GTF2A1L: variants seen among roughly 807,000 people sequenced by gnomAD.
GTF2A1L encodes the protein TFIIA-alpha and beta-like factor.
A neutral mutation model predicts 49.7 loss-of-function variants in GTF2A1L; 48 were observed. The ratio of observed to expected loss-of-function variants is 0.97; its 90% CI spans 0.77 to 1.23. The LOEUF is 1.23. Among genes scored for constraint, GTF2A1L ranks in the 50% most tolerant of loss-of-function variants. The pLI is 0.00. For synonymous variants in GTF2A1L, 246 were observed against 193.5 expected (o/e 1.27, Z -2.25); for missense variants, 736 against 564.8 (o/e 1.30, Z -3.07).
At chr2:48,634,224 G>C (rs945446466) in intron 3 of GTF2A1L, among the ~76,000 whole-genome samples, 2 of 152,128 alleles carry the variant, frequency 1.3e-5, no homozygotes, top group African/African-American at 2.4e-5. Flanking sequence ...AGGTTCTCCT[G>C]CCTCAGCTTC....
At chr2:48,655,028 A>G (rs777162036) in intron 6 of GTF2A1L, among the ~76,000 whole-genome samples, 6 of 152,178 alleles carry the variant, frequency 3.9e-5, no homozygotes, top group Non-Finnish European at 8.8e-5. Flanking sequence ...GTCAATTTCT[A>G]AAAAGAAAAA....
chr2:48,633,283 T>C (rs113570054), intron 3 of GTF2A1L: 2 of 154,912 alleles, frequency 1.3e-5, no homozygotes, highest in African/African-American at 4.9e-5. Context: ...GCACAGCCAG[T>C]CTGCAATCTC....
At chr2:48,659,352 A>G (rs1678364257) in intron 6 of GTF2A1L, among the ~76,000 whole-genome samples, 1 of 152,114 alleles carries the variant, frequency 6.6e-6, no homozygotes, top group Non-Finnish European at 1.5e-5. Context: ...CATAATCCCA[A>G]TATCACACTA....
At chr2:48,630,084 G>A (rs1471479121) in intron 3 of GTF2A1L, among the ~76,000 whole-genome samples, 1 of 144,266 alleles carries the variant, frequency 6.9e-6, no homozygotes, top group African/African-American at 2.5e-5. Context: ...GCTTATGATT[G>A]TTTTGGCTGT....
intron 3 of GTF2A1L, among the ~76,000 whole-genome samples, chr2:48,635,997 T>G (rs894569268): frequency 6.6e-6 from 1 of 152,210 alleles, no homozygotes; most frequent in African/African-American, 2.4e-5. Flanking sequence ...TTCTCTCTCA[T>G]GTACTGGGGC....
intron 6 of GTF2A1L, among the ~76,000 whole-genome samples, chr2:48,657,223 C>A (rs1678231777): frequency 6.6e-6 from 1 of 152,066 alleles, no homozygotes; most frequent in African/African-American, 2.4e-5. Flanking sequence ...GCATAGTACC[C>A]AAAACAGTTC....
chr2:48,634,840 C>T (rs1676795296), intron 3 of GTF2A1L, among the ~76,000 whole-genome samples: 1 of 152,144 alleles, frequency 6.6e-6, no homozygotes, highest in Non-Finnish European at 1.5e-5. Flanking sequence ...TTTTCTTTAG[C>T]ATTGACCTTT....
At chr2:48,622,111 T>A (rs1203064034) in intron 3 of GTF2A1L, among the ~76,000 whole-genome samples, 2 of 152,190 alleles carry the variant, frequency 1.3e-5, no homozygotes, top group Admixed American at 6.5e-5. Context: ...AGCAGATAGT[T>A]CTTTGCATGC....
At position 48,647,042 on chromosome 2, in the gene GTF2A1L, G is replaced by C; in HGVS notation, c.978G>C (p.Lys326Asn). 1 of 1,588,836 alleles carries C rather than the reference G, an allele frequency of 6.3e-7. No homozygotes were observed. The highest frequency in any genetic ancestry group is 8.6e-7 in the Non-Finnish European group (1 of 1,167,858). ...CCAGCAACATACCTGTATCAGAGAA[G>C]GTATAGTTCTGTGTCCAACTTCTTG... ...EEPSNIPVSE[K>N]DSNSQVDLSI... is the part of the protein sequence containing the mutation. Residue 326 changes from lysine (K) to asparagine (N), a missense_variant and splice_region_variant, in exon 6 of 9, where the codon AAG (lysine) becomes AAC (asparagine). Physicochemically the swap from Lys to Asn is moderately conservative, Grantham distance 94 (BLOSUM62 0). Coordinates refer to ENST00000403751, the MANE Select transcript of GTF2A1L (RefSeq NM_006872.5).
At chr2:48,673,439 T>C (rs1172395343) in intron 8 of GTF2A1L, among the ~76,000 whole-genome samples, 2 of 145,190 alleles carry the variant, frequency 1.4e-5, no homozygotes, top group South Asian at 2.2e-4. Flanking sequence ...CTTGGCTCAC[T>C]GCAAGCTCCG....
chr2:48,670,521 G>A (rs891543125), intron 7 of GTF2A1L, among the ~76,000 whole-genome samples: 16 of 152,172 alleles, frequency 1.1e-4, no homozygotes, highest in African/African-American at 3.9e-4. Flanking sequence ...AATGGGAGTG[G>A]CTGTTAAAGA....
At chr2:48,660,316 T>C (rs1277067472) in intron 6 of GTF2A1L, among the ~76,000 whole-genome samples, 1 of 152,198 alleles carries the variant, frequency 6.6e-6, no homozygotes, top group African/African-American at 2.4e-5. Context: ...AGATATTTTG[T>C]TCTTCCATTT....
chr2:48,673,810 C>G (rs547122903), intron 8 of GTF2A1L, among the ~76,000 whole-genome samples: 2 of 152,252 alleles, frequency 1.3e-5, no homozygotes, highest in Non-Finnish European at 2.9e-5. Context: ...TTTTGTGTCT[C>G]TGTGTCTTCA....
chr2:48,652,635 C>G (rs1350611446), intron 6 of GTF2A1L, among the ~76,000 whole-genome samples: 1 of 151,250 alleles, frequency 6.6e-6, no homozygotes, highest in African/African-American at 2.4e-5. Context: ...AACAAACAGC[C>G]AATTTCAACA....
chr2:48,669,445 G>A (rs1679047691), intron 6 of GTF2A1L, among the ~76,000 whole-genome samples: 1 of 152,150 alleles, frequency 6.6e-6, no homozygotes, highest in Non-Finnish European at 1.5e-5. Context: ...AAGACGGTAT[G>A]TATAAAAACT....
At position 48,646,970 on chromosome 2, in the gene GTF2A1L, G is replaced by C; in HGVS notation, c.906G>C (p.Arg302Ser). The C allele has an allele frequency of 6.2e-7, 1 of 1,614,116 alleles. No individual in the cohort carries two copies. The highest frequency in any genetic ancestry group is 1.3e-5 in the African/African-American group (1 of 75,036). ...TTCAGCTTCATATTCTTAAAAATAG[G>C]ATGTATGGATGTGATTCTGTAAAGC... ...TDIQLHILKN[R>S]MYGCDSVKQP... is the part of the protein sequence containing the mutation. The change falls in exon 6 of 9, where the codon AGG becomes AGC. Residue 302 changes from arginine (R) to serine (S), a missense_variant. Transcript: ENST00000403751.
At position 48,669,962 on chromosome 2, in the gene GTF2A1L, C is replaced by G. The variant is rs369784997; in HGVS notation, c.1219C>G (p.Gln407Glu). The G allele has an allele frequency of 5.6e-6, 9 of 1,613,296 alleles. No individual in the cohort carries two copies. In the African/African-American group the frequency reaches 9.3e-5, roughly 17 times the overall value. Reference protein sequence around the residue: ...ATNSSDNEDPQVNIVEEDPLN... With the variant: ...ATNSSDNEDPEVNIVEEDPLN... ...AAACAGTAGTGATAATGAAGACCCT[C>G]AAGTAAACATTGTAGAAGAGGTGAG... The change falls in exon 7 of 9, where the codon CAA (glutamine) becomes GAA (glutamate). Residue 407 changes from glutamine to glutamate, a missense_variant. Coordinates refer to ENST00000403751, the MANE Select transcript of GTF2A1L (RefSeq NM_006872.5).
In GTF2A1L at chr2:48,646,437, C is replaced by G. The variant is rs1677513640; in HGVS notation, c.389-16C>G. ...TAATTCTATTATACTTACAATTTTGCTTTCTCCTTTTTAAGGTCACCTTTA... is the reference window on the plus strand; with the variant it reads ...TAATTCTATTATACTTACAATTTTGGTTTCTCCTTTTTAAGGTCACCTTTA... On this transcript the variant is annotated splice_polypyrimidine_tract_variant and intron_variant, in intron 5 of 8. Coordinates refer to ENST00000403751, the MANE Select transcript of GTF2A1L (RefSeq NM_006872.5). 3 of 1,496,598 alleles carry G rather than the reference C, an allele frequency of 2.0e-6. No individual in the cohort carries two copies. The highest frequency in any genetic ancestry group is 2.7e-6 in the Non-Finnish European group (3 of 1,126,616). 92.7% of individuals were successfully genotyped at this position (1,496,598 alleles called of 1,614,324 possible).
At chr2:48,667,838 T>C (rs1221520284) in intron 6 of GTF2A1L, among the ~76,000 whole-genome samples, 2 of 152,200 alleles carry the variant, frequency 1.3e-5, no homozygotes, top group Non-Finnish European at 2.9e-5. Context: ...TATATGCATA[T>C]TATTAAAGTT....
Sources: allele counts gnomAD v4.1 joint callset (sites outside exome capture counted in the v4.1 genomes callset), GRCh38; gene constraint gnomAD v4.1.1; transcripts MANE v1.5; gene names NCBI Gene and HGNC (gene_info 2026-07-23, HGNC 2026-07-21).